The following FREM1 variants were observed in gnomAD, a reference collection of about 807,000 sequenced individuals.
FREM1 encodes FRAS1-related extracellular matrix protein 1.
FREM1 carries 220 observed loss-of-function variants against 210.1 expected under a neutral mutation model. That is an observed-to-expected ratio of 1.05 (90% CI 0.94 to 1.17). The LOEUF (loss-of-function observed/expected upper bound fraction) is 1.17, where lower values mean the gene tolerates loss of function less well. Ranked by LOEUF, FREM1 falls within the 50% of genes most tolerant of loss-of-function variation. The probability of loss-of-function intolerance (pLI) is 0.00; values close to 1 mark genes in which losing one functional copy is unlikely to be tolerated. For synonymous variants in FREM1, 1,189 were observed against 980.2 expected, an observed-to-expected ratio of 1.21 and a Z score of -3.98; for missense variants, 3,454 against 2,675.5, an observed-to-expected ratio of 1.29 and a Z score of -6.42.
intron 8 of FREM1, among the ~76,000 whole-genome samples, chr9:14,843,339 G>T (rs1191522927): frequency 6.6e-6 from 1 of 152,058 alleles, no homozygotes; most frequent in Admixed American, 6.6e-5. Flanking sequence ...TTTGGCTTTG[G>T]ACTGGGTTAC....
intron 8 of FREM1, among the ~76,000 whole-genome samples, chr9:14,843,549 A>G (rs2131244921): frequency 6.6e-6 from 1 of 152,340 alleles, no homozygotes; most frequent in Middle Eastern, 3.4e-3. Flanking sequence ...ATACATAGAT[A>G]GACATTCTGT....
intron 3 of FREM1, among the ~76,000 whole-genome samples, chr9:14,859,861 G>A (rs1829485040): frequency 1.3e-5 from 2 of 152,142 alleles, no homozygotes; most frequent in Non-Finnish European, 2.9e-5. Flanking sequence ...AGGGGTGAGT[G>A]GTTTCTGAAG....
At chr9:14,860,533 G>GTATATATAGACACATATATATACACACA (rs1554706945) in intron 3 of FREM1, among the ~76,000 whole-genome samples, 1 of 77,916 alleles carries the variant, frequency 1.3e-5, no homozygotes, top group African/African-American at 8.3e-5. Context: ...TAGTAGGTAT[G>GTATATATAGACACATATATATACACACA]TATATATATA....
intron 25 of FREM1, chr9:14,773,918 G>A (rs1436708535): frequency 1.7e-5 from 6 of 346,350 alleles, no homozygotes; most frequent in African/African-American, 6.5e-5. Flanking sequence ...TCCCTGGTTG[G>A]ACAGTACAGA....
chr9:14,844,307 C>G (rs575430325), intron 8 of FREM1, among the ~76,000 whole-genome samples: 1 of 151,836 alleles, frequency 6.6e-6, no homozygotes, highest in African/African-American at 2.4e-5. Context: ...CTCACTGCAA[C>G]CTCCACCTCC....
intron 24 of FREM1, among the ~76,000 whole-genome samples, chr9:14,783,549 T>C (rs1020064879): frequency 6.6e-6 from 1 of 152,200 alleles, no homozygotes; most frequent in Admixed American, 6.5e-5. Flanking sequence ...AAGTCCAACA[T>C]TTCCCAGTTC....
intron 10 of FREM1, among the ~76,000 whole-genome samples, chr9:14,829,864 AG>A (rs1823211017): frequency 6.6e-6 from 1 of 152,220 alleles, no homozygotes; most frequent in Admixed American, 6.5e-5. Flanking sequence ...ATCTTAATCC[AG>A]GAGAGAGTAA....
At chr9:14,795,296 A>G (rs1335857936) in intron 21 of FREM1, among the ~76,000 whole-genome samples, 1 of 152,206 alleles carries the variant, frequency 6.6e-6, no homozygotes, top group Non-Finnish European at 1.5e-5. Flanking sequence ...AGGTTAACAG[A>G]GAGATTGAGA....
In FREM1 at chr9:14,748,452, A is replaced by C. The variant is rs1318320533; in HGVS notation, c.5745T>G (p.Asp1915Glu). The C allele has an allele frequency of 6.2e-7, 1 of 1,613,776 alleles. No individual in the cohort carries two copies. The highest frequency in any genetic ancestry group is 1.7e-5 in the Admixed American group (1 of 59,978). Residue 1915 changes from aspartate to glutamate, a missense_variant, in exon 31 of 37, where the codon GAT becomes GAG. By Grantham distance (45) the Asp-to-Glu change is conservative. Transcript: ENST00000380880. ...VIRGDTLRGF[D>E]STDLSQRKLR... is the part of the protein sequence containing the mutation. ...GCTTCCTTTGAGAAAGATCTGTAGA[A>C]TCAAAGCCCCGCAGGGTGTCTCCCC...
At position 14,824,119 on chromosome 9, in the gene FREM1, AAGAGAAATAC is replaced by A; in HGVS notation, c.2079-14_2079-5del. On this transcript the variant is annotated splice_polypyrimidine_tract_variant and splice_region_variant and intron_variant, in intron 11 of 36. Coordinates refer to ENST00000380880, the MANE Select transcript of FREM1 (RefSeq NM_001379081.2). ...TAATTTCCCAGCATCCAAGTGTCTA[AAGAGAAATAC>A]AGAGGAGCACATCAGCTCATTTTTA... The A allele has an allele frequency of 6.4e-7, 1 of 1,555,518 alleles. No individual in the cohort carries two copies. Among genetic ancestry groups the A allele is most frequent in the South Asian group, 1.2e-5 (1 of 85,102 alleles).
intron 19 of FREM1, among the ~76,000 whole-genome samples, chr9:14,804,280 T>C (rs1817926435): frequency 6.6e-6 from 1 of 152,206 alleles, no homozygotes; most frequent in Non-Finnish European, 1.5e-5. Context: ...CTCTAGGGAA[T>C]GCAGGTAAAA....
intron 1 of FREM1, among the ~76,000 whole-genome samples, chr9:14,907,416 C>G (rs1219756092): frequency 4.6e-5 from 7 of 152,160 alleles, no homozygotes; most frequent in Non-Finnish European, 1.0e-4. Context: ...AGCCTCTCAC[C>G]TGGTAGCACA....
intron 10 of FREM1, among the ~76,000 whole-genome samples, chr9:14,828,041 G>A (rs1349233804): frequency 6.6e-6 from 1 of 152,248 alleles, no homozygotes; most frequent in Admixed American, 6.5e-5. Context: ...AGTTGCCTCA[G>A]GTGCAGGGCT....
Position 14,861,328 on chromosome 9 carries a change from T to TAC in FREM1, c.330-1846_330-1845dup, listed in dbSNP as rs1554708828. ...ACATATATACATATATACACATATA[T>TAC]ACATATATACACATATATATACATA... On this transcript the variant is annotated intron_variant, in intron 3 of 36. Transcript: ENST00000380880. Among the ~76,000 whole-genome samples, 5 of 87,256 alleles carry TAC rather than the reference T, an allele frequency of 5.7e-5. 2 individuals are homozygous for TAC. Among genetic ancestry groups the TAC allele is most frequent in the African/African-American group, 2.5e-4 (5 of 19,896 alleles). 57.2% of individuals were successfully genotyped at this position (87,256 alleles called of 152,430 possible). A position where few individuals can be genotyped will look rare whatever the true frequency, so the allele number is the denominator to read the frequency against.
chr9:14,860,572 C>CATATATATATACAT (rs759870876), intron 3 of FREM1, among the ~76,000 whole-genome samples: 1 of 88,020 alleles, frequency 1.1e-5, no homozygotes, highest in African/African-American at 4.8e-5. Context: ...TATATATACA[C>CATATATATATACAT]ATATATATAC....
At chr9:14,838,199 T>C (rs1315184819) in intron 10 of FREM1, among the ~76,000 whole-genome samples, 1 of 152,230 alleles carries the variant, frequency 6.6e-6, no homozygotes, top group Non-Finnish European at 1.5e-5. Flanking sequence ...GTAGACAAAA[T>C]TGGCATTGCT....
At position 14,829,053 on chromosome 9, in the gene FREM1, C is replaced by A. The variant is rs181695538; in HGVS notation, c.1882-4061G>T. Reference sequence around the variant, plus strand: ...ATTACTATGTAGGTAAAATGTCTGGCACATAGTAGGTGCCCAATAAATACT... The same window carrying A: ...ATTACTATGTAGGTAAAATGTCTGGAACATAGTAGGTGCCCAATAAATACT... On this transcript the variant is annotated intron_variant, in intron 10 of 36. Coordinates refer to ENST00000380880, the MANE Select transcript of FREM1 (RefSeq NM_001379081.2). Among the ~76,000 whole-genome samples the A allele has an allele frequency of 5.3e-5, 8 of 152,324 alleles. No individual in the cohort carries two copies. In the East Asian group the frequency reaches 1.5e-3, roughly 29 times the overall value.
chr9:14,850,307 G>C (rs1245187524), intron 6 of FREM1: 2 of 152,056 alleles, frequency 1.3e-5, no homozygotes, highest in East Asian at 3.9e-4. Flanking sequence ...TGTGAAATTA[G>C]TTATCAAATA....
intron 16 of FREM1, among the ~76,000 whole-genome samples, chr9:14,809,789 A>C (rs906840254): frequency 2.6e-5 from 4 of 152,220 alleles, no homozygotes; most frequent in African/African-American, 9.6e-5. Context: ...ATTTCAAAAG[A>C]ATGTCAAATG....
Sources: allele counts gnomAD v4.1 joint callset (sites outside exome capture counted in the v4.1 genomes callset), GRCh38; gene constraint gnomAD v4.1.1; transcripts MANE v1.5; gene names NCBI Gene and HGNC (gene_info 2026-07-23, HGNC 2026-07-21).